The following CCSER1 variants were observed in gnomAD, a reference collection of about 807,000 sequenced individuals.
CCSER1 encodes the protein coiled-coil serine rich protein 1, also known as serine-rich coiled-coil domain-containing protein 1.
A neutral mutation model predicts 82.0 loss-of-function variants in CCSER1; 41 were observed. That is an observed-to-expected ratio of 0.50 (90% CI 0.39 to 0.65). The LOEUF (loss-of-function observed/expected upper bound fraction) is 0.65, where lower values mean the gene tolerates loss of function less well. Ranked by LOEUF, CCSER1 falls within the 30% of genes least tolerant of loss-of-function variation. The pLI is 0.00. For missense variants in CCSER1, 1,119 were observed against 1,064.2 expected, an observed-to-expected ratio of 1.05 and a Z score of -0.72; for synonymous variants, 414 against 383.9, an observed-to-expected ratio of 1.08 and a Z score of -0.92.
At chr4:90,701,702 T>C (rs1185001036) in intron 6 of CCSER1, among the ~76,000 whole-genome samples, 1 of 152,228 alleles carries the variant, frequency 6.6e-6, no homozygotes, top group African/African-American at 2.4e-5. Context: ...CTTTGTAAGT[T>C]GGATTCCTAG....
intron 8 of CCSER1, among the ~76,000 whole-genome samples, chr4:90,893,780 T>C (rs1430100732): frequency 8.1e-6 from 1 of 123,218 alleles, no homozygotes; most frequent in Non-Finnish European, 1.8e-5. Context: ...TGTGTGCGTG[T>C]GTGTGTGTGT....
chr4:90,170,844 C>G (rs988271264), intron 1 of CCSER1, among the ~76,000 whole-genome samples: 4 of 151,828 alleles, frequency 2.6e-5, no homozygotes, highest in African/African-American at 9.7e-5. Flanking sequence ...GCAGATATCT[C>G]TTTGACATAC....
chr4:90,675,145 T>A (rs1733595703), intron 6 of CCSER1, among the ~76,000 whole-genome samples: 1 of 151,990 alleles, frequency 6.6e-6, no homozygotes, highest in African/African-American at 2.4e-5. Context: ...TAATAGTGCT[T>A]TACCTCATAA....
intron 1 of CCSER1, among the ~76,000 whole-genome samples, chr4:90,274,690 T>G (rs1727215600): frequency 1.3e-5 from 2 of 152,138 alleles, no homozygotes; most frequent in Admixed American, 1.3e-4. Flanking sequence ...GTATTTTTCT[T>G]TTGCAAAATT....
At chr4:91,414,719 A>T (rs1187316583) in intron 10 of CCSER1, among the ~76,000 whole-genome samples, 2 of 152,166 alleles carry the variant, frequency 1.3e-5, no homozygotes, top group Non-Finnish European at 2.9e-5. Flanking sequence ...AAAATGACTG[A>T]AAAACAAAAC....
chr4:90,789,419 T>A (rs1754940893), intron 7 of CCSER1, among the ~76,000 whole-genome samples: 1 of 152,226 alleles, frequency 6.6e-6, no homozygotes, highest in African/African-American at 2.4e-5. Flanking sequence ...ACTACATGAA[T>A]ATCCTAGTGA....
intron 5 of CCSER1, among the ~76,000 whole-genome samples, chr4:90,503,292 T>C (rs1770187341): frequency 6.6e-6 from 1 of 152,200 alleles, no homozygotes; most frequent in Non-Finnish European, 1.5e-5. Flanking sequence ...CTGAGACGTC[T>C]TAAAACAGAT....
chr4:90,694,123 G>T (rs1311436823), intron 6 of CCSER1, among the ~76,000 whole-genome samples: 2 of 151,980 alleles, frequency 1.3e-5, no homozygotes, highest in Non-Finnish European at 2.9e-5. Context: ...AATGGCTATT[G>T]CAGTATGTAA....
intron 10 of CCSER1, among the ~76,000 whole-genome samples, chr4:91,519,554 G>A (rs959772938): frequency 2.0e-4 from 30 of 152,348 alleles, no homozygotes; most frequent in African/African-American, 6.7e-4. Context: ...ATGTGTGCCT[G>A]AGCAGTGGCT....
rs531686612 is a variant in CCSER1 at position 91,012,149 on chromosome 4, G to A, written c.2173-73801G>A. Among the ~76,000 whole-genome samples, 7 of 134,814 alleles carry A rather than the reference G, an allele frequency of 5.2e-5. 3 individuals are homozygous for A. Among genetic ancestry groups the A allele is most frequent in the South Asian group, 4.8e-4 (2 of 4,210 alleles). 88.4% of individuals were successfully genotyped at this position (134,814 alleles called of 152,430 possible). On this transcript the variant is annotated intron_variant, in intron 9 of 10. Coordinates refer to ENST00000509176, the MANE Select transcript of CCSER1 (RefSeq NM_001145065.2). ...TGTGCCACTTCAGCCCAGGCTCAGG[G>A]GCTATGACTTCTCAGGGTAGCCAGG...
At chr4:90,495,501 G>A (rs1404811602) in intron 5 of CCSER1, among the ~76,000 whole-genome samples, 2 of 151,998 alleles carry the variant, frequency 1.3e-5, no homozygotes, top group East Asian at 1.9e-4. Flanking sequence ...TCTTATAGAC[G>A]ACTGGGTGCT....
At chr4:90,546,921 C>T (rs1054864837) in intron 5 of CCSER1, among the ~76,000 whole-genome samples, 2 of 151,968 alleles carry the variant, frequency 1.3e-5, no homozygotes, top group Non-Finnish European at 2.9e-5. Context: ...AGAAGCAGAA[C>T]ACTAGATTTA....
intron 10 of CCSER1, among the ~76,000 whole-genome samples, chr4:91,451,151 T>C (rs1411427625): frequency 6.6e-6 from 1 of 152,042 alleles, no homozygotes; most frequent in Non-Finnish European, 1.5e-5. Context: ...TTGTTTGGGC[T>C]TACTTTATAA....
chr4:90,358,118 T>C (rs1389825148), intron 3 of CCSER1, among the ~76,000 whole-genome samples: 1 of 152,108 alleles, frequency 6.6e-6, no homozygotes, highest in African/African-American at 2.4e-5. Flanking sequence ...AATGATATTA[T>C]AAAATGATAT....
intron 4 of CCSER1, among the ~76,000 whole-genome samples, chr4:90,450,550 T>A (rs569407098): frequency 1.1e-3 from 164 of 152,268 alleles, no homozygotes; most frequent in Middle Eastern, 3.4e-3. Context: ...TTTGTGATTG[T>A]TAAGTTGAGA....
intron 10 of CCSER1, among the ~76,000 whole-genome samples, chr4:91,225,238 ATAAT>A (rs1258864685): frequency 1.4e-5 from 2 of 141,388 alleles, no homozygotes; most frequent in Non-Finnish European, 3.1e-5. Flanking sequence ...ATATACATGT[ATAAT>A]TATATACATA....
intron 9 of CCSER1, among the ~76,000 whole-genome samples, chr4:91,046,566 A>G (rs1473145716): frequency 6.6e-6 from 1 of 152,244 alleles, no homozygotes; most frequent in East Asian, 1.9e-4. Flanking sequence ...CTGAACTCAC[A>G]CAAGAAAGGT....
At chr4:90,305,133 G>T (rs900097535) in intron 1 of CCSER1, among the ~76,000 whole-genome samples, 1 of 152,092 alleles carries the variant, frequency 6.6e-6, no homozygotes, top group Non-Finnish European at 1.5e-5. Flanking sequence ...AGCCAGGATG[G>T]TCTCAATCTC....
intron 10 of CCSER1, among the ~76,000 whole-genome samples, chr4:91,492,672 T>C (rs1251941523): frequency 6.6e-6 from 1 of 152,028 alleles, no homozygotes; most frequent in Non-Finnish European, 1.5e-5. Context: ...TTGTTGAAAA[T>C]GTTTATGGAT....
Sources: gnomAD v4.1 joint callset for allele counts (sites outside exome capture counted in the v4.1 genomes callset) on GRCh38, gnomAD v4.1.1 for gene constraint, MANE v1.5 for transcripts, NCBI Gene and HGNC (gene_info 2026-07-23, HGNC 2026-07-21) for gene names.